The following ZNF343 variants were observed in gnomAD, a reference collection of about 807,000 sequenced individuals.
ZNF343 encodes the protein zinc finger protein 343.
A neutral mutation model predicts 13.8 loss-of-function variants in ZNF343; 11 were observed. That is an observed-to-expected ratio of 0.80 (90% CI 0.50 to 1.32). The LOEUF is 1.32. Ranked by LOEUF, ZNF343 falls within the 40% of genes most tolerant of loss-of-function variation. The pLI, the probability that ZNF343 is intolerant of heterozygous loss-of-function variation, is 0.00. For missense variants in ZNF343, 658 were observed against 714.2 expected, an observed-to-expected ratio of 0.92 and a Z score of 0.90; for synonymous variants, 248 against 260.0, an observed-to-expected ratio of 0.95 and a Z score of 0.44.
chr20:2,513,820 A>T (rs1468996300), upstream of ZNF343, among the ~76,000 whole-genome samples: 1 of 152,250 alleles, frequency 6.6e-6, no homozygotes, highest in African/African-American at 2.4e-5. Flanking sequence ...GATATATGGT[A>T]TAACATGGAT....
Position 2,483,660 on chromosome 20 carries a change from T to C in ZNF343, c.1301A>G (p.Glu434Gly), listed in dbSNP as rs767556723. 2.5e-6 allele frequency: 4 copies of C among 1,611,286 alleles called. No individual in the cohort carries two copies. Among genetic ancestry groups the C allele is most frequent in the Admixed American group, 3.3e-5 (2 of 59,846 alleles). ...ACACTCCCTGCAAACATAAGGCTTC[T>C]CATCCAAGTGTGTCCTCTGGTGTTT... ...LIKHQRTHLD[E>G]KPYVCRECGR... The change falls in exon 6 of 6, where the codon GAG becomes GGG. Residue 434 changes from glutamate (E) to glycine (G), a missense_variant. Coordinates refer to ENST00000278772, the MANE Select transcript of ZNF343 (RefSeq NM_024325.6).
At position 2,518,699 on chromosome 20, in the gene ZNF343, T is replaced by C. The variant is rs148480811; in HGVS notation, c.-347+5756A>G. On this transcript the variant is annotated intron_variant, in intron 1 of 6. Transcript: ENST00000358413. This position sits in a 1 kb window ranked among gnomAD's most constrained non-coding sequence, Gnocchi z 4.6. ...TTGCTTCACATCCACTCAATACCTA[T>C]GCTCTGACAATCACCCACACACCAC... 3.4e-3 allele frequency among the ~76,000 whole-genome samples: 525 copies of C among 152,270 alleles called. 5 individuals carry two copies. Among genetic ancestry groups the C allele is most frequent in the African/African-American group, 0.012 (499 of 41,540 alleles).
intron 5 of ZNF343, among the ~76,000 whole-genome samples, chr20:2,491,146 A>G (rs1317036920): frequency 6.6e-6 from 1 of 152,210 alleles, no homozygotes; most frequent in Non-Finnish European, 1.5e-5. Flanking sequence ...AAACATAGGA[A>G]TATCTAGAAC....
In ZNF343 at chr20:2,484,150, A is replaced by G; in HGVS notation, c.811T>C (p.Cys271Arg). 6.2e-7 allele frequency: 1 copy of G among 1,614,228 alleles called. No homozygotes were observed. The highest frequency in any genetic ancestry group is 8.5e-7 in the Non-Finnish European group (1 of 1,180,034). The part of the protein sequence containing the change: ...RTLLGKKPYI[C>R]SDCGRSFKDR... ...TTAAAGCTTCGCCCACAATCACTGC[A>G]AATGTAGGGCTTCTTCCCTAAGAGG... The change falls in exon 6 of 6, where the codon TGC becomes CGC. Residue 271 changes from cysteine (C) to arginine (R), a missense_variant. Coordinates refer to ENST00000278772, the MANE Select transcript of ZNF343 (RefSeq NM_024325.6).
chr20:2,487,459 A>G (rs573703363), intron 5 of ZNF343, among the ~76,000 whole-genome samples: 3 of 152,058 alleles, frequency 2.0e-5, no homozygotes, highest in African/African-American at 7.2e-5. Flanking sequence ...TTTTAAAAAC[A>G]CTCTTTGCAC....
chr20:2,524,131 G>A (rs549870606), intron 1 of ZNF343, among the ~76,000 whole-genome samples: 1 of 152,132 alleles, frequency 6.6e-6, no homozygotes, highest in African/African-American at 2.4e-5. Context: ...ACCAGACTGG[G>A]CAACATAGTA....
chr20:2,489,584 A>G (rs1364161434), intron 5 of ZNF343, among the ~76,000 whole-genome samples: 1 of 152,188 alleles, frequency 6.6e-6, no homozygotes, highest in African/African-American at 2.4e-5. Flanking sequence ...TGAGAACCCC[A>G]TGATCCAGAC....
At position 2,518,559 on chromosome 20, in the gene ZNF343, C is replaced by A. The variant is rs931007271; in HGVS notation, c.-347+5896G>T. Among the ~76,000 whole-genome samples the A allele has an allele frequency of 2.0e-5, 3 of 152,146 alleles. No homozygotes were observed. Among genetic ancestry groups the A allele is most frequent in the African/African-American group, 7.2e-5 (3 of 41,420 alleles). On this transcript the variant is annotated intron_variant, in intron 1 of 6. Coordinates refer to the ZNF343 transcript ENST00000358413. The surrounding 1 kb of genome is among the most constrained non-coding windows in gnomAD (Gnocchi z 4.6). Reference sequence around the variant, plus strand: ...AGTGCCAGACTCTAACTTCTGATTTCTAAATAGCTACCCCTCCGGTTCCAC... The same window carrying A: ...AGTGCCAGACTCTAACTTCTGATTTATAAATAGCTACCCCTCCGGTTCCAC...
At chr20:2,507,239 G>A (rs1240242330) in intron 1 of ZNF343, among the ~76,000 whole-genome samples, 1 of 150,386 alleles carries the variant, frequency 6.6e-6, no homozygotes, top group Non-Finnish European at 1.5e-5. Context: ...ACTCCAGCCT[G>A]GGCAACAAGA....
chr20:2,498,583 A>T (rs2085501251), intron 2 of ZNF343, among the ~76,000 whole-genome samples: 1 of 152,216 alleles, frequency 6.6e-6, no homozygotes, highest in Non-Finnish European at 1.5e-5. Flanking sequence ...CAAGACTGAA[A>T]AGGTGAGCTG....
At position 2,501,056 on chromosome 20, in the gene ZNF343, T is replaced by C. The variant is rs1466254470; in HGVS notation, c.-236-314A>G. The stretch of plus-strand genomic sequence containing the variant: ...GCAAGGGGTCAGGGAATTCCTTTCC[T>C]AGTCAAAGAAAGGGGTGAGAGAGGG... On this transcript the variant is annotated intron_variant, in intron 1 of 5. Transcript: ENST00000278772. 3.3e-5 allele frequency among the ~76,000 whole-genome samples: 5 copies of C among 152,224 alleles called. No individual in the cohort carries two copies. The East Asian group carries it at 9.7e-4, about 29-fold the overall frequency.
At chr20:2,501,287 G>A (rs1290042306) in intron 1 of ZNF343, among the ~76,000 whole-genome samples, 1 of 152,200 alleles carries the variant, frequency 6.6e-6, no homozygotes, top group Non-Finnish European at 1.5e-5. Flanking sequence ...GCTGAGGCTT[G>A]AGTAGGTAAA....
At chr20:2,505,797 T>C (rs551596970) in intron 1 of ZNF343, among the ~76,000 whole-genome samples, 12 of 152,210 alleles carry the variant, frequency 7.9e-5, no homozygotes, top group Non-Finnish European at 1.8e-4. Flanking sequence ...TAATTCAAGA[T>C]GGATTAAAGA....
chr20:2,488,832 A>G (rs1363513633), intron 5 of ZNF343, among the ~76,000 whole-genome samples: 4 of 152,032 alleles, frequency 2.6e-5, no homozygotes, highest in African/African-American at 9.7e-5. Context: ...ATCACTTTAG[A>G]CCAGAAGCTT....
chr20:2,519,353 C>T (rs1251210256), intron 1 of ZNF343, among the ~76,000 whole-genome samples: 1 of 152,222 alleles, frequency 6.6e-6, no homozygotes, highest in African/African-American at 2.4e-5. Context: ...CTCACACTCA[C>T]TCTGGTCCTA....
At chr20:2,517,699 G>A (rs1274076477) in intron 1 of ZNF343, among the ~76,000 whole-genome samples, 1 of 151,206 alleles carries the variant, frequency 6.6e-6, no homozygotes, top group East Asian at 1.9e-4. Flanking sequence ...TAGAGATGGG[G>A]TCCCCCTCTG....
chr20:2,503,039 C>T (rs1192585570), intron 1 of ZNF343, among the ~76,000 whole-genome samples: 2 of 152,116 alleles, frequency 1.3e-5, no homozygotes, highest in East Asian at 3.9e-4. Context: ...AGAGTCAAGA[C>T]CCATCAGTGT....
intron 5 of ZNF343, among the ~76,000 whole-genome samples, chr20:2,486,173 C>T (rs888042951): frequency 3.3e-5 from 5 of 152,118 alleles, no homozygotes; most frequent in Non-Finnish European, 7.4e-5. Context: ...AGAAGCATTT[C>T]AGTAGGAGAA....
Position 2,500,639 on chromosome 20 carries a change from A to T in ZNF343, c.-150+17T>A, listed in dbSNP as rs1308267884. The T allele has an allele frequency of 2.0e-5, 3 of 152,234 alleles. No individual in the cohort carries two copies. Among genetic ancestry groups the T allele is most frequent in the African/African-American group, 7.2e-5 (3 of 41,456 alleles). The allele number at this position is 152,234 out of a possible 1,614,324, so 9.4% of individuals were successfully genotyped here. A position where few individuals can be genotyped will look rare whatever the true frequency, so the allele number is the denominator to read the frequency against. On this transcript the variant is annotated intron_variant, in intron 2 of 5. Coordinates refer to ENST00000278772, the MANE Select transcript of ZNF343 (RefSeq NM_024325.6). ...AGAAAAGACGCTATGGGAATGTGAA[A>T]GGTAAGTGGTACCTACCTGATAGGA...
Sources: allele counts gnomAD v4.1 joint callset (sites outside exome capture counted in the v4.1 genomes callset), GRCh38; gene constraint gnomAD v4.1.1; non-coding constraint Gnocchi (gnomAD v3.1); transcripts MANE v1.5; gene names NCBI Gene and HGNC (gene_info 2026-07-23, HGNC 2026-07-21).